ABCA9: variants seen among roughly 807,000 people sequenced by gnomAD.
ABCA9 encodes the protein ATP binding cassette subfamily A member 9.
Under a neutral mutation model 205.3 loss-of-function variants are expected in ABCA9, and 183 were observed. The observed-to-expected ratio is 0.89, with a 90% CI of 0.79 to 1.01. The LOEUF is 1.01. ABCA9 is among the 50% of genes least tolerant of loss of function. The pLI, the probability that ABCA9 is intolerant of heterozygous loss-of-function variation, is 0.00. For synonymous variants in ABCA9, 651 were observed against 683.3 expected, an observed-to-expected ratio of 0.95 and a Z score of 0.74; for missense variants, 1,805 against 1,912.4, an observed-to-expected ratio of 0.94 and a Z score of 1.05.
At chr17:68,991,619 A>G (rs2069458148) in intron 28 of ABCA9, among the ~76,000 whole-genome samples, 2 of 152,222 alleles carry the variant, frequency 1.3e-5, no homozygotes, top group African/African-American at 4.8e-5. Flanking sequence ...TACCACAAAC[A>G]TTAGACTTAA....
At chr17:68,992,434 C>G in intron 27 of ABCA9, 168 bp from the exon 28 acceptor site, 1 of 483,220 alleles carries the variant, frequency 2.1e-6, no homozygotes. Context: ...CAAAGTTAGC[C>G]TCACTGCTAT....
Position 68,985,097 on chromosome 17 carries a change from G to T in ABCA9, c.4240C>A (p.Leu1414Met). ...LVDALKLQDQLKAPVKTLSEG... is the reference protein window; with the variant it reads ...LVDALKLQDQMKAPVKTLSEG... ...GACAAGGTCTTCACGGGAGCCTTCA[G>T]CTGGTCCTGCAGCTTGAGCGCATCC... is the stretch of plus-strand genomic sequence containing the variant. Residue 1414 changes from leucine to methionine, a missense_variant, in exon 33 of 39, where the codon CTG becomes ATG. Transcript: ENST00000340001. The T allele has an allele frequency of 6.2e-7, 1 of 1,614,234 alleles. No homozygotes were observed. The highest frequency in any genetic ancestry group is 1.1e-5 in the South Asian group (1 of 91,086).
intron 25 of ABCA9, among the ~76,000 whole-genome samples, chr17:69,001,069 G>A (rs1438513884): frequency 6.6e-6 from 1 of 152,012 alleles, no homozygotes; most frequent in Non-Finnish European, 1.5e-5. Context: ...CTGCAAACAG[G>A]GACAATTTGA....
chr17:69,011,605 G>A (rs1420090277), intron 23 of ABCA9, among the ~76,000 whole-genome samples: 2 of 152,160 alleles, frequency 1.3e-5, no homozygotes, highest in African/African-American at 4.8e-5. Flanking sequence ...TCAAAGTGCT[G>A]TGGTGAGTTG....
the ABCA9 span, among the ~76,000 whole-genome samples, chr17:69,067,302 T>C: frequency 6.6e-6 from 1 of 151,976 alleles, no homozygotes; most frequent in Non-Finnish European, 1.5e-5. Context: ...ATCCCAGTAC[T>C]TTGCGAGGCC....
At position 69,020,374 on chromosome 17, in the gene ABCA9, A is replaced by C. The variant is rs2070770430; in HGVS notation, c.2600+14T>G. ...TTCACAGACAAAACAAATCTGAAAC[A>C]CTCAGATACTCACATAGTCCACAGG... On this transcript the variant is annotated intron_variant, in intron 19 of 38. Coordinates refer to ENST00000340001, the MANE Select transcript of ABCA9 (RefSeq NM_080283.4). 1 of 1,584,558 alleles carries C rather than the reference A, an allele frequency of 6.3e-7. No homozygotes were observed. The highest frequency in any genetic ancestry group is 1.2e-5 in the South Asian group (1 of 84,756).
chr17:68,978,847 A>C (rs2068959067), intron 37 of ABCA9, among the ~76,000 whole-genome samples: 3 of 152,140 alleles, frequency 2.0e-5, no homozygotes. Context: ...ATGGGCAAAA[A>C]CTGGAAGCAT....
the ABCA9 span, among the ~76,000 whole-genome samples, chr17:69,071,092 C>A: frequency 6.6e-6 from 1 of 152,232 alleles, no homozygotes; most frequent in South Asian, 2.1e-4. Context: ...CAGCCCCAAT[C>A]AGGGGCTTAT....
In ABCA9 at chr17:68,989,035, C is replaced by A. The variant is rs1301828505; in HGVS notation, c.4039G>T (p.Ala1347Ser). ...KMITGDTKPTAGQVILKGSGG... is the reference protein window; with the variant it reads ...KMITGDTKPTSGQVILKGSGG... ...CTGTACGTTTTACTGACCTGTCCTG[C>A]AGTTGGTTTTGTGTCTCCAGTTATC... is the stretch of plus-strand genomic sequence containing the variant. Residue 1347 changes from alanine (A) to serine (S), a missense_variant, in exon 31 of 39, where the codon GCA becomes TCA. By Grantham distance (99) the Ala-to-Ser change is moderately conservative (BLOSUM62 1). Coordinates refer to ENST00000340001, the MANE Select transcript of ABCA9 (RefSeq NM_080283.4). The A allele has an allele frequency of 6.2e-7, 1 of 1,606,658 alleles. No individual in the cohort carries two copies.
chr17:69,036,505 T>A (rs2071342953), intron 6 of ABCA9, among the ~76,000 whole-genome samples: 1 of 152,090 alleles, frequency 6.6e-6, no homozygotes, highest in Admixed American at 6.6e-5. Flanking sequence ...CCACCAGGCC[T>A]GCCTTTCAAG....
chr17:69,018,629 G>A, intron 19 of ABCA9, 50 bp from the exon 20 acceptor site: 2 of 1,400,832 alleles, frequency 1.4e-6, no homozygotes, highest in South Asian at 1.4e-5. Context: ...CAACTTTTGT[G>A]GGTTTTTAAG....
intron 37 of ABCA9, among the ~76,000 whole-genome samples, chr17:68,977,582 T>C (rs934993872): frequency 1.3e-4 from 20 of 152,188 alleles, no homozygotes; most frequent in African/African-American, 4.6e-4. Flanking sequence ...AGAAGGGGCA[T>C]GTGAGGCTAG....
rs2071031640 is a variant in ABCA9, at chr17:69,027,492, A to G, written c.1792-43T>C. 1.9e-6 allele frequency: 3 copies of G among 1,578,044 alleles called. No individual in the cohort carries two copies. In the African/African-American group the frequency reaches 4.1e-5, roughly 22 times the overall value. On this transcript the variant is annotated intron_variant, in intron 13 of 38. Coordinates refer to ENST00000340001, the MANE Select transcript of ABCA9 (RefSeq NM_080283.4). ...ATTTAGTCCAAAACCCAGAAAGTTT[A>G]TTTTAAAAACACTATCATTTTTCTG... is the stretch of plus-strand genomic sequence containing the variant.
At chr17:69,018,309 C>T (rs1219339878) in intron 20 of ABCA9, 104 bp downstream of exon 20, 1 of 1,083,672 alleles carries the variant, frequency 9.2e-7, no homozygotes, top group Non-Finnish European at 1.3e-6. Flanking sequence ...TATATGCTTT[C>T]TAAAACATAC....
At chr17:69,045,875 ATGGGGATTG>A (rs2071691220) in intron 3 of ABCA9, among the ~76,000 whole-genome samples, 2 of 152,138 alleles carry the variant, frequency 1.3e-5, no homozygotes, top group South Asian at 4.1e-4. Context: ...CCCTTGACTC[ATGGGGATTG>A]TGGGGATTAT....
chr17:69,018,358 G>A, intron 20 of ABCA9, 55 bp downstream of exon 20: 1 of 1,371,468 alleles, frequency 7.3e-7, no homozygotes, highest in Non-Finnish European at 9.6e-7. Context: ...GTTTTTTGGG[G>A]GGAATCTCTC....
At chr17:69,066,998 T>C in the ABCA9 span, among the ~76,000 whole-genome samples, 3 of 152,168 alleles carry the variant, frequency 2.0e-5, no homozygotes, top group Non-Finnish European at 2.9e-5. Flanking sequence ...TCGATAGCTA[T>C]TGAAACTGAT....
chr17:68,985,243 G>T (rs1158506278), intron 32 of ABCA9, 115 bp from the exon 33 acceptor site: 9 of 1,377,532 alleles, frequency 6.5e-6, no homozygotes, highest in Non-Finnish European at 9.1e-6. Context: ...GGTCAGAGTG[G>T]TCATAAAATT....
chr17:69,009,003 C>G (rs1359842146), intron 23 of ABCA9, among the ~76,000 whole-genome samples: 1 of 152,162 alleles, frequency 6.6e-6, no homozygotes, highest in African/African-American at 2.4e-5. Flanking sequence ...GAGAGTACAT[C>G]TGGAAGGAAG....
Sources: gnomAD v4.1 joint callset for allele counts (sites outside exome capture counted in the v4.1 genomes callset) on GRCh38, gnomAD v4.1.1 for gene constraint, MANE v1.5 for transcripts, NCBI Gene and HGNC (gene_info 2026-07-23, HGNC 2026-07-21) for gene names.